NRXN3: variants seen among roughly 807,000 people sequenced by gnomAD.
The protein encoded by NRXN3 is neurexin 3, also known as neurexin III.
Under a neutral mutation model 137.6 loss-of-function variants are expected in NRXN3, and 32 were observed. The ratio of observed to expected loss-of-function variants is 0.23; its 90% confidence interval spans 0.18 to 0.31. The LOEUF (loss-of-function observed/expected upper bound fraction) is 0.31, where lower values mean the gene tolerates loss of function less well. Among genes scored for constraint, NRXN3 ranks in the 10% least tolerant of loss-of-function variants. The probability of loss-of-function intolerance (pLI) is 1.00; values close to 1 mark genes in which losing one functional copy is unlikely to be tolerated. For synonymous variants in NRXN3, 798 were observed against 784.5 expected (o/e 1.02, Z -0.29); for missense variants, 1,574 against 2,062.5 (o/e 0.76, Z 4.59).
chr14:78,812,480 A>G (rs1454159028), intron 10 of NRXN3, among the ~76,000 whole-genome samples: 1 of 152,188 alleles, frequency 6.6e-6, no homozygotes, highest in Admixed American at 6.5e-5. Context: ...GAACTGAGGC[A>G]GTTATTTAAT....
chr14:79,159,477 G>A (rs80258117), intron 15 of NRXN3, among the ~76,000 whole-genome samples: 376 of 151,886 alleles, frequency 2.5e-3, no homozygotes, highest in African/African-American at 8.8e-3. Flanking sequence ...TATGGCGTTG[G>A]CTATTGTTCA....
chr14:79,384,977 A>C (rs558151853), intron 15 of NRXN3, among the ~76,000 whole-genome samples: 1 of 152,252 alleles, frequency 6.6e-6, no homozygotes, highest in South Asian at 2.1e-4. Flanking sequence ...ACTTTTTTCT[A>C]GAAATTGCTC....
chr14:78,491,507 T>G (rs186323571), intron 4 of NRXN3, among the ~76,000 whole-genome samples: 1 of 152,316 alleles, frequency 6.6e-6, no homozygotes, highest in African/African-American at 2.4e-5. Context: ...CTCAGGTCTA[T>G]TGTAGAGACA....
intron 15 of NRXN3, among the ~76,000 whole-genome samples, chr14:79,419,863 G>A (rs2095550666): frequency 6.6e-6 from 1 of 152,136 alleles, no homozygotes. Context: ...ATTATTCACA[G>A]GAAAGAGTGG....
At chr14:79,176,001 GT>G (rs1359047184) in intron 15 of NRXN3, among the ~76,000 whole-genome samples, 5 of 152,192 alleles carry the variant, frequency 3.3e-5, no homozygotes, top group Non-Finnish European at 5.9e-5. Flanking sequence ...CCTTTAGGAA[GT>G]TTATGAACTA....
At chr14:78,200,240 G>A (rs1404422581) in intron 1 of NRXN3, among the ~76,000 whole-genome samples, 2 of 152,216 alleles carry the variant, frequency 1.3e-5, no homozygotes, top group Non-Finnish European at 1.5e-5. Flanking sequence ...TGTTAATGGG[G>A]TAATAGGTTA....
intron 4 of NRXN3, among the ~76,000 whole-genome samples, chr14:78,467,061 C>T (rs2153724642): frequency 6.6e-6 from 1 of 152,220 alleles, no homozygotes; most frequent in Non-Finnish European, 1.5e-5. Flanking sequence ...TCTGCCTTTC[C>T]AGACTGAAGT....
chr14:79,862,749 C>T lies in NRXN3; in HGVS notation c.*785C>T, dbSNP rs1304880583. ...TTCCTATAAGATGCTTTGCTGAACA[C>T]ATAGCAAAATTCATGTGACGGATGA... On this transcript the variant is annotated 3_prime_UTR_variant, in exon 21 of 21. Coordinates refer to ENST00000335750, the MANE Select transcript of NRXN3 (RefSeq NM_001330195.2). 1 of 152,584 alleles carries T rather than the reference C, an allele frequency of 6.6e-6. No homozygotes were observed. The highest frequency in any genetic ancestry group is 2.4e-5 in the African/African-American group (1 of 41,424). The allele number at this position is 152,584 out of a possible 1,614,324, so 9.5% of individuals were successfully genotyped here.
chr14:78,498,194 T>C (rs1195071075), intron 4 of NRXN3, among the ~76,000 whole-genome samples: 1 of 152,152 alleles, frequency 6.6e-6, no homozygotes, highest in South Asian at 2.1e-4. Context: ...AGTGTGTCTG[T>C]AGAAGTCCAG....
At chr14:78,247,732 C>T (rs746800120) in intron 2 of NRXN3, among the ~76,000 whole-genome samples, 4 of 152,198 alleles carry the variant, frequency 2.6e-5, no homozygotes, top group Non-Finnish European at 4.4e-5. Context: ...TATCCTCACT[C>T]CCTCCAGAGA....
At chr14:78,771,154 C>T (rs1054846834) in intron 8 of NRXN3, among the ~76,000 whole-genome samples, 16 of 152,216 alleles carry the variant, frequency 1.1e-4, no homozygotes, top group African/African-American at 3.9e-4. Context: ...GACCAGGCAA[C>T]TCAGGCTCTA....
chr14:79,441,867 C>CA (rs369114218), intron 15 of NRXN3, among the ~76,000 whole-genome samples: 45,128 of 146,126 alleles, frequency 0.31, 6,960 homozygotes, highest in South Asian at 0.43. Flanking sequence ...AAACAAACGA[C>CA]AAAAAAAAAA....
At chr14:79,802,824 G>C (rs1412237415) in intron 19 of NRXN3, among the ~76,000 whole-genome samples, 1 of 151,980 alleles carries the variant, frequency 6.6e-6, no homozygotes, top group Admixed American at 6.6e-5. Flanking sequence ...AGTTTCAGTT[G>C]CTGGAACTGA....
intron 4 of NRXN3, among the ~76,000 whole-genome samples, chr14:78,497,583 C>T (rs2095806661): frequency 1.1e-5 from 1 of 94,804 alleles, no homozygotes. Flanking sequence ...TCTGTCCATT[C>T]ATCCATCCAT....
intron 15 of NRXN3, among the ~76,000 whole-genome samples, chr14:79,160,922 G>C (rs183752129): frequency 6.6e-6 from 1 of 151,884 alleles, no homozygotes. Flanking sequence ...TCTGTAACTA[G>C]CCTGTTTATA....
chr14:78,984,347 T>C (rs2099497454), intron 14 of NRXN3, among the ~76,000 whole-genome samples: 1 of 152,220 alleles, frequency 6.6e-6, no homozygotes, highest in Non-Finnish European at 1.5e-5. Context: ...AAACAACTAT[T>C]ATCTTTCAAT....
chr14:78,874,709 C>T (rs1379226036), intron 10 of NRXN3, among the ~76,000 whole-genome samples: 1 of 152,146 alleles, frequency 6.6e-6, no homozygotes, highest in Non-Finnish European at 1.5e-5. Flanking sequence ...ACCTCCATGC[C>T]CAAATCTCCA....
Position 79,605,799 on chromosome 14 carries a change from G to C in NRXN3, c.3445-57979G>C, listed in dbSNP as rs77263565. Among the ~76,000 whole-genome samples, 537 of 152,266 alleles carry C rather than the reference G, an allele frequency of 3.5e-3. 1 individual carries two copies. Among genetic ancestry groups the C allele is most frequent in the African/African-American group, 0.013 (521 of 41,554 alleles). On this transcript the variant is annotated intron_variant, in intron 16 of 20. Coordinates refer to ENST00000335750, the MANE Select transcript of NRXN3 (RefSeq NM_001330195.2). ...ACCACTGCGCCTGGCCGATACTGCAGTTTTGATGGCCATCACTGGTACAAC... is the reference window on the plus strand; with the variant it reads ...ACCACTGCGCCTGGCCGATACTGCACTTTTGATGGCCATCACTGGTACAAC...
chr14:78,246,754 A>T (rs144253089), intron 2 of NRXN3, among the ~76,000 whole-genome samples: 305 of 124,418 alleles, frequency 2.5e-3, no homozygotes, highest in African/African-American at 8.7e-3. Context: ...AGGAAATCAC[A>T]GCAGCTGCTA....
Sources: gnomAD v4.1 joint callset for allele counts (sites outside exome capture counted in the v4.1 genomes callset) on GRCh38, gnomAD v4.1.1 for gene constraint, MANE v1.5 for transcripts, NCBI Gene and HGNC (gene_info 2026-07-23, HGNC 2026-07-21) for gene names.